Variants in TNIP1 observed in about 807,000 individuals in gnomAD.
TNIP1 encodes TNFAIP3-interacting protein 1.
A neutral mutation model predicts 86.6 loss-of-function variants in TNIP1; 22 were observed. The ratio of observed to expected loss-of-function variants is 0.25; its 90% CI spans 0.18 to 0.36. TNIP1 has a LOEUF of 0.36. Among genes scored for constraint, TNIP1 ranks in the 10% least tolerant of loss-of-function variants. The pLI, the probability that TNIP1 is intolerant of heterozygous loss-of-function variation, is 1.00. For missense variants in TNIP1, 709 were observed against 820.6 expected, an observed-to-expected ratio of 0.86 and a Z score of 1.66; for synonymous variants, 294 against 313.0, an observed-to-expected ratio of 0.94 and a Z score of 0.64.
intron 12 of TNIP1, among the ~76,000 whole-genome samples, chr5:151,038,885 A>G (rs1485053978): frequency 6.6e-6 from 1 of 151,950 alleles, no homozygotes; most frequent in African/African-American, 2.4e-5. Flanking sequence ...GGAAGAGTGC[A>G]CCTCCAGAGG....
chr5:151,032,169 T>G, intron 17 of TNIP1, 118 bp downstream of exon 17: 1 of 822,952 alleles, frequency 1.2e-6, no homozygotes, highest in Non-Finnish European at 1.9e-6. Flanking sequence ...TTTGGAAAGC[T>G]GGGCCTCTCC....
chr5:151,052,971 G>A (rs1760146180), intron 6 of TNIP1, among the ~76,000 whole-genome samples: 1 of 152,168 alleles, frequency 6.6e-6, no homozygotes, highest in Non-Finnish European at 1.5e-5. Flanking sequence ...AGGTGTGAGA[G>A]GTGCCCAGTG....
At position 151,035,540 on chromosome 5, in the gene TNIP1, G is replaced by A. The variant is rs766342112; in HGVS notation, c.1521+42C>T. Reference sequence around the variant, plus strand: ...TCCAATCCATGCCCCCTCTCCCCACGAGGACAGGCCAGTTGCCCTTCCTGG... The same window carrying A: ...TCCAATCCATGCCCCCTCTCCCCACAAGGACAGGCCAGTTGCCCTTCCTGG... On this transcript the variant is annotated intron_variant, in intron 14 of 17. Coordinates refer to ENST00000521591, the MANE Select transcript of TNIP1 (RefSeq NM_006058.5). The A allele has an allele frequency of 1.7e-5, 27 of 1,613,708 alleles. No homozygotes were observed. In the South Asian group the frequency reaches 1.8e-4, roughly 10 times the overall value.
At chr5:151,047,657 C>T (rs1440180262) in intron 8 of TNIP1, among the ~76,000 whole-genome samples, 1 of 151,964 alleles carries the variant, frequency 6.6e-6, no homozygotes, top group Non-Finnish European at 1.5e-5. Flanking sequence ...ACTATTTTTG[C>T]AACTCTTCTG....
chr5:151,054,651 C>T (rs1234243553), intron 6 of TNIP1, among the ~76,000 whole-genome samples: 2 of 152,178 alleles, frequency 1.3e-5, no homozygotes, highest in Non-Finnish European at 2.9e-5. Context: ...TGCACTCCAG[C>T]CTGGGTGGCG....
chr5:151,058,185 T>C (rs1760932100), intron 5 of TNIP1, among the ~76,000 whole-genome samples: 1 of 152,220 alleles, frequency 6.6e-6, no homozygotes, highest in Non-Finnish European at 1.5e-5. Context: ...CCTCCCAAAG[T>C]ACTGAGATTA....
At chr5:151,054,660 C>A (rs897950450) in intron 6 of TNIP1, among the ~76,000 whole-genome samples, 1 of 152,038 alleles carries the variant, frequency 6.6e-6, no homozygotes, top group Non-Finnish European at 1.5e-5. Flanking sequence ...GCCTGGGTGG[C>A]GGAGCAAGAC....
At chr5:151,072,364 A>C (rs1345731172) in intron 1 of TNIP1, among the ~76,000 whole-genome samples, 1 of 152,146 alleles carries the variant, frequency 6.6e-6, no homozygotes, top group Admixed American at 6.5e-5. Context: ...TTAGAATCTC[A>C]GGCTGGAAGG....
intron 13 of TNIP1, 39 bp downstream of exon 13, chr5:151,036,751 C>A (rs760297346): frequency 1.2e-6 from 2 of 1,613,262 alleles, no homozygotes; most frequent in African/African-American, 2.7e-5. Flanking sequence ...CCAGCTCCCA[C>A]AGAGCACCTC....
At chr5:151,070,412 T>C (rs60500836) in intron 1 of TNIP1, among the ~76,000 whole-genome samples, 3,387 of 152,312 alleles carry the variant, frequency 0.022, 140 homozygotes, top group African/African-American at 0.077. Context: ...CCATTTGTTC[T>C]CTCCTTTAAT....
rs930815062 is a variant in TNIP1, at chr5:151,035,846, C to A, written c.1396-139G>T. 7.9e-5 allele frequency: 78 copies of A among 990,524 alleles called. No individual in the cohort carries two copies. In the East Asian group the frequency reaches 2.0e-3, roughly 25 times the overall value. 61.4% of individuals were successfully genotyped at this position (990,524 alleles called of 1,614,324 possible). A position where few individuals can be genotyped will look rare whatever the true frequency, so the allele number is the denominator to read the frequency against. On this transcript the variant is annotated intron_variant, in intron 13 of 17. Transcript: ENST00000521591. ...CGCCATGGGGAGTGGGACAGCTACA[C>A]CTCCAGCCTCCACCTTAACTTCAAA... is the stretch of plus-strand genomic sequence containing the variant.
At chr5:151,039,984 C>T (rs970967385) in intron 11 of TNIP1, among the ~76,000 whole-genome samples, 6 of 152,316 alleles carry the variant, frequency 3.9e-5, no homozygotes, top group South Asian at 2.1e-4. Context: ...CCCTGTAATA[C>T]GATGGGAAAC....
chr5:151,033,561 G>A, intron 16 of TNIP1, 47 bp downstream of exon 16: 1 of 1,268,990 alleles, frequency 7.9e-7, no homozygotes, highest in South Asian at 1.6e-5. Context: ...AGGTGTCTGG[G>A]GCAGCCTCTG....
At chr5:151,038,222 T>C (rs570868853) in intron 12 of TNIP1, among the ~76,000 whole-genome samples, 97 of 152,106 alleles carry the variant, frequency 6.4e-4, no homozygotes, top group Non-Finnish European at 1.2e-3. Flanking sequence ...CCAGCAGGCC[T>C]AGGAATGCTC....
chr5:151,038,303 G>A (rs1384071191), intron 12 of TNIP1, among the ~76,000 whole-genome samples: 1 of 152,190 alleles, frequency 6.6e-6, no homozygotes, highest in African/African-American at 2.4e-5. Flanking sequence ...AGCACGAAAC[G>A]AAAAGCTGAG....
chr5:151,073,739 A>C (rs1022153406), intron 1 of TNIP1, among the ~76,000 whole-genome samples: 2 of 152,158 alleles, frequency 1.3e-5, no homozygotes, highest in Admixed American at 6.5e-5. Context: ...ATTAAAAAAA[A>C]ACTTTTTTAC....
chr5:151,031,553 A>C (rs1490722460), intron 17 of TNIP1, among the ~76,000 whole-genome samples: 1 of 152,144 alleles, frequency 6.6e-6, no homozygotes, highest in East Asian at 1.9e-4. Flanking sequence ...TTCAAACAGA[A>C]ATATGGTCAT....
At chr5:151,056,985 C>T (rs1246424191) in intron 5 of TNIP1, 28 bp from the exon 6 acceptor site, 3 of 1,409,536 alleles carry the variant, frequency 2.1e-6, no homozygotes, top group Middle Eastern at 2.1e-4. Context: ...ACACGGCCCA[C>T]TCTTCACCAA....
At chr5:151,075,525 G>A (rs974274667) in intron 1 of TNIP1, among the ~76,000 whole-genome samples, 8 of 152,138 alleles carry the variant, frequency 5.3e-5, no homozygotes, top group African/African-American at 1.9e-4. Flanking sequence ...AGTGTCTACT[G>A]TTGCCATCTT....
Sources: gnomAD v4.1 joint callset for allele counts (sites outside exome capture counted in the v4.1 genomes callset) on GRCh38, gnomAD v4.1.1 for gene constraint, MANE v1.5 for transcripts, NCBI Gene and HGNC (gene_info 2026-07-23, HGNC 2026-07-21) for gene names.